The following CPNE4 variants were observed in gnomAD, a reference collection of about 807,000 sequenced individuals.
CPNE4 encodes the protein copine-4.
CPNE4 carries 25 observed loss-of-function variants against 67.9 expected under a neutral mutation model. The ratio of observed to expected loss-of-function variants is 0.37; its 90% CI spans 0.27 to 0.51. CPNE4 has a LOEUF of 0.51. Among genes scored for constraint, CPNE4 ranks in the 20% least tolerant of loss-of-function variants. CPNE4 has a pLI of 0.93. For missense variants in CPNE4, 464 were observed against 690.8 expected, an observed-to-expected ratio of 0.67 and a Z score of 3.68; for synonymous variants, 242 against 244.9, an observed-to-expected ratio of 0.99 and a Z score of 0.11.
At chr3:131,913,689 C>A (rs1324159380) in intron 1 of CPNE4, among the ~76,000 whole-genome samples, 3 of 152,166 alleles carry the variant, frequency 2.0e-5, no homozygotes, top group Non-Finnish European at 4.4e-5. Flanking sequence ...TTGCCTTGGT[C>A]TCTCCTTCTG....
chr3:131,586,211 C>G (rs1044638143), intron 8 of CPNE4, among the ~76,000 whole-genome samples: 1 of 152,178 alleles, frequency 6.6e-6, no homozygotes, highest in African/African-American at 2.4e-5. Flanking sequence ...TGCTTTCACT[C>G]CTTTCTGCTC....
intron 7 of CPNE4, among the ~76,000 whole-genome samples, chr3:131,643,197 G>A (rs879407210): frequency 1.2e-4 from 19 of 152,216 alleles, no homozygotes; most frequent in Admixed American, 1.1e-3. Context: ...TTAGCGAAGA[G>A]TTTGGTGGCA....
intron 2 of CPNE4, among the ~76,000 whole-genome samples, chr3:131,850,539 G>A (rs753049891): frequency 1.3e-5 from 2 of 152,112 alleles, no homozygotes; most frequent in Non-Finnish European, 2.9e-5. Context: ...TTTCAAGTGT[G>A]ACTCCACTTC....
At chr3:131,543,865 G>A (rs766037495) in intron 14 of CPNE4, among the ~76,000 whole-genome samples, 9 of 152,204 alleles carry the variant, frequency 5.9e-5, no homozygotes, top group Non-Finnish European at 1.2e-4. Flanking sequence ...AGGTTGCAGT[G>A]CTCCCATGGC....
chr3:131,805,256 G>A (rs57604913), intron 2 of CPNE4, among the ~76,000 whole-genome samples: 3,132 of 152,294 alleles, frequency 0.021, 123 homozygotes, highest in African/African-American at 0.072. Flanking sequence ...TGGATAGCTA[G>A]TGTAAAGTAC....
At chr3:131,734,758 G>A (rs2082198898) in intron 2 of CPNE4, among the ~76,000 whole-genome samples, 1 of 152,082 alleles carries the variant, frequency 6.6e-6, no homozygotes, top group African/African-American at 2.4e-5. Flanking sequence ...AGGCATAGTG[G>A]CACACTCTTG....
chr3:131,981,949 G>A (rs967159113), intron 1 of CPNE4, among the ~76,000 whole-genome samples: 2 of 152,186 alleles, frequency 1.3e-5, no homozygotes, highest in Non-Finnish European at 2.9e-5. Context: ...TCCTGCAGGA[G>A]CAGACCCCTT....
At chr3:131,776,014 A>T (rs2083281903) in intron 2 of CPNE4, among the ~76,000 whole-genome samples, 1 of 152,144 alleles carries the variant, frequency 6.6e-6, no homozygotes, top group Non-Finnish European at 1.5e-5. Context: ...GCAGACAAAC[A>T]GTTACTCTCA....
Position 131,905,380 on chromosome 3 carries a change from A to G in CPNE4, c.64T>C (p.Cys22Arg). The change falls in exon 2 of 16, where the codon TGC becomes CGC. Residue 22 changes from cysteine to arginine, a missense_variant. Coordinates refer to ENST00000429747, the MANE Select transcript of CPNE4 (RefSeq NM_130808.3). ...ANTLGIFNSP[C>R]LTKVELRVAC... ...ACACGCAGCTCAACTTTGGTCAGGCAGGGGCTGTTAAAGATTCCCAGTGTG... is the reference window on the plus strand; with the variant it reads ...ACACGCAGCTCAACTTTGGTCAGGCGGGGGCTGTTAAAGATTCCCAGTGTG... 6.2e-7 allele frequency: 1 copy of G among 1,613,572 alleles called. No homozygotes were observed. Among genetic ancestry groups the G allele is most frequent in the Non-Finnish European group, 8.5e-7 (1 of 1,179,690 alleles).
At chr3:131,919,862 T>C (rs888770738) in intron 1 of CPNE4, among the ~76,000 whole-genome samples, 1 of 152,194 alleles carries the variant, frequency 6.6e-6, no homozygotes, top group African/African-American at 2.4e-5. Flanking sequence ...AATCAGTGAA[T>C]ATATGAATTT....
chr3:131,832,593 T>C (rs2085416748), intron 2 of CPNE4, among the ~76,000 whole-genome samples: 1 of 152,210 alleles, frequency 6.6e-6, no homozygotes, highest in Non-Finnish European at 1.5e-5. Flanking sequence ...ATTCTTTTCT[T>C]CTTTCTTATT....
intron 7 of CPNE4, among the ~76,000 whole-genome samples, chr3:131,669,415 T>C (rs2080347260): frequency 6.6e-6 from 1 of 152,192 alleles, no homozygotes; most frequent in African/African-American, 2.4e-5. Context: ...CTGAATTTAT[T>C]GCCATGGTTT....
intron 1 of CPNE4, among the ~76,000 whole-genome samples, chr3:131,954,971 A>G (rs2071901347): frequency 6.6e-6 from 1 of 151,204 alleles, no homozygotes; most frequent in Admixed American, 6.6e-5. Context: ...TGCATGTGAA[A>G]AAAAAAAAAA....
intron 7 of CPNE4, among the ~76,000 whole-genome samples, chr3:131,618,253 T>G (rs1422966558): frequency 6.6e-6 from 1 of 152,212 alleles, no homozygotes; most frequent in Non-Finnish European, 1.5e-5. Flanking sequence ...TAACTCATTT[T>G]AAATGTATTT....
chr3:131,875,444 A>G (rs2087401437), intron 2 of CPNE4, among the ~76,000 whole-genome samples: 1 of 152,188 alleles, frequency 6.6e-6, no homozygotes, highest in Admixed American at 6.5e-5. Context: ...ATGTCCAACA[A>G]TGATAGACTG....
chr3:131,672,862 T>G (rs1430474217), intron 6 of CPNE4, among the ~76,000 whole-genome samples: 1 of 152,036 alleles, frequency 6.6e-6, no homozygotes. Context: ...CCTTTGTCCA[T>G]TTTTGCTTGG....
intron 10 of CPNE4, 101 bp from the exon 11 acceptor site, chr3:131,564,450 T>C: frequency 9.5e-7 from 1 of 1,048,438 alleles, no homozygotes. Context: ...TCAAAAACAG[T>C]AGCACATTAC....
chr3:132,003,391 C>G (rs2073504832), intron 1 of CPNE4, among the ~76,000 whole-genome samples: 1 of 151,962 alleles, frequency 6.6e-6, no homozygotes, highest in Non-Finnish European at 1.5e-5. Flanking sequence ...TCCACAAAGC[C>G]CCCACCAGTC....
intron 1 of CPNE4, among the ~76,000 whole-genome samples, chr3:131,993,954 T>G (rs1192371770): frequency 7.3e-6 from 1 of 136,204 alleles, no homozygotes. Context: ...CCATTAGAAC[T>G]AAGTGAGCTT....
Sources: allele counts gnomAD v4.1 joint callset (sites outside exome capture counted in the v4.1 genomes callset), GRCh38; gene constraint gnomAD v4.1.1; transcripts MANE v1.5; gene names NCBI Gene and HGNC (gene_info 2026-07-23, HGNC 2026-07-21).